SCYL2: variants seen among roughly 807,000 people sequenced by gnomAD.
SCYL2 encodes the protein SCY1 like pseudokinase 2.
A neutral mutation model predicts 100.4 loss-of-function variants in SCYL2; 36 were observed. That is an observed-to-expected ratio of 0.36 (90% CI 0.27 to 0.47). The LOEUF (loss-of-function observed/expected upper bound fraction) is 0.47. SCYL2 is among the 20% of genes least tolerant of loss of function. The pLI, the probability that SCYL2 is intolerant of heterozygous loss-of-function variation, is 1.00. For missense variants in SCYL2, 902 were observed against 1,083.9 expected, an observed-to-expected ratio of 0.83 and a Z score of 2.36; for synonymous variants, 330 against 359.2, an observed-to-expected ratio of 0.92 and a Z score of 0.92.
chr12:100,333,838 A>AATAT (rs1301880054), intron 13 of SCYL2: 1 of 169,098 alleles, frequency 5.9e-6, no homozygotes, highest in East Asian at 1.7e-4. Flanking sequence ...CAAGAAGATC[A>AATAT]ATATATAACT....
chr12:100,311,266 A>G (rs1184673314), intron 5 of SCYL2, 73 bp downstream of exon 5: 2 of 1,462,598 alleles, frequency 1.4e-6, no homozygotes, highest in Non-Finnish European at 9.2e-7. Context: ...GACTAGAAAT[A>G]GGCTATGTGG....
In SCYL2 at chr12:100,317,919, G is replaced by A. The variant is rs56002815; in HGVS notation, c.1389G>A (p.Gln463=). 23,226 of 1,568,540 alleles carry A rather than the reference G, an allele frequency of 0.015. 198 individuals are homozygous for A. The highest frequency in any genetic ancestry group is 0.017 in the Non-Finnish European group (19,978 of 1,166,404). ...GAGCACTAGAAGCTCCTTCCATTCA[G>A]ATCCAGGTACAGTATCTGATTTGTT... ...VYRALEAPSI[Q]IQELCLNIIP... The change falls in exon 10 of 18, where the codon CAG becomes CAA. Residue 463 remains glutamine, a synonymous_variant. Transcript: ENST00000360820.
intron 1 of SCYL2, among the ~76,000 whole-genome samples, chr12:100,270,091 A>G (rs1317067420): frequency 6.6e-6 from 1 of 150,704 alleles, no homozygotes. Flanking sequence ...GGTTCACGCC[A>G]TTCTCCTGCC....
chr12:100,271,359 A>G (rs550433569), intron 1 of SCYL2, among the ~76,000 whole-genome samples: 1 of 151,934 alleles, frequency 6.6e-6, no homozygotes, highest in African/African-American at 2.4e-5. Flanking sequence ...GTATAAGCAC[A>G]CGTATTTTCC....
rs189151424 is a variant in SCYL2 at position 100,305,095 on chromosome 12, C to T, written c.481-5949C>T. The stretch of plus-strand genomic sequence containing the variant: ...CCATTGTCAATATTAGACAGATCAA[C>T]GAGACAGAAAATTAACAAGGATATT... On this transcript the variant is annotated intron_variant, in intron 4 of 17. Transcript: ENST00000360820. 8.4e-4 allele frequency among the ~76,000 whole-genome samples: 128 copies of T among 152,250 alleles called. 2 individuals carry two copies. The highest frequency in any genetic ancestry group is 1.4e-3 in the Non-Finnish European group (95 of 68,020).
rs138422629 is a variant in SCYL2 at position 100,331,905 on chromosome 12, C to T, written c.1762-2261C>T. Reference sequence around the variant, plus strand: ...GCATTTGAATAAAAAACAGCAAATGCCCTGCAGCAGTACACTGAATAATCA... The same window carrying T: ...GCATTTGAATAAAAAACAGCAAATGTCCTGCAGCAGTACACTGAATAATCA... On this transcript the variant is annotated intron_variant, in intron 13 of 17. Transcript: ENST00000360820. Among the ~76,000 whole-genome samples the T allele has an allele frequency of 2.8e-3, 433 of 152,192 alleles. 1 individual carries two copies. Among genetic ancestry groups the T allele is most frequent in the African/African-American group, 9.6e-3 (400 of 41,522 alleles).
intron 2 of SCYL2, among the ~76,000 whole-genome samples, chr12:100,290,307 T>G (rs918006719): frequency 6.6e-6 from 1 of 152,228 alleles, no homozygotes; most frequent in African/African-American, 2.4e-5. Flanking sequence ...GCTGCCTTAT[T>G]CACAAATGCT....
chr12:100,283,148 G>T lies in SCYL2; in HGVS notation c.177+1G>T. 1 of 1,599,466 alleles carries T rather than the reference G, an allele frequency of 6.3e-7. No homozygotes were observed. The highest frequency in any genetic ancestry group is 8.5e-7 in the Non-Finnish European group (1 of 1,173,532). ...TGGCACAAAAAAGTCAACAAAGCAG[G>T]TGAGTTTTAATTCAGCATCCACTTG... On this transcript the variant is annotated splice_donor_variant, in intron 2 of 17. Transcript: ENST00000360820. LOFTEE classifies it high-confidence loss of function.
chr12:100,322,227 G>A (rs1464892556), intron 10 of SCYL2, among the ~76,000 whole-genome samples: 25 of 150,328 alleles, frequency 1.7e-4, no homozygotes, highest in African/African-American at 5.8e-4. Context: ...CAAAAAATTA[G>A]CCGGGCGTGG....
intron 2 of SCYL2, among the ~76,000 whole-genome samples, chr12:100,286,838 A>G (rs1353059905): frequency 6.6e-6 from 1 of 152,040 alleles, no homozygotes; most frequent in Non-Finnish European, 1.5e-5. Context: ...GGAAACTTTT[A>G]TGTGAAGCCA....
chr12:100,318,044 TA>T, intron 10 of SCYL2, 119 bp downstream of exon 10: 1 of 888,670 alleles, frequency 1.1e-6, no homozygotes, highest in Non-Finnish European at 1.6e-6. Flanking sequence ...TAAATATATT[TA>T]TCTTTTGAAT....
chr12:100,311,286 A>G, intron 5 of SCYL2, 93 bp downstream of exon 5: 1 of 1,230,426 alleles, frequency 8.1e-7, no homozygotes, highest in Non-Finnish European at 1.1e-6. Context: ...GTACAGTGGT[A>G]TGTTTAGATA....
chr12:100,272,665 G>A (rs1301083504), intron 1 of SCYL2, among the ~76,000 whole-genome samples: 4 of 152,078 alleles, frequency 2.6e-5, no homozygotes, highest in South Asian at 2.1e-4. Context: ...TCTATATGTC[G>A]TTGGTAAATG....
intron 3 of SCYL2, among the ~76,000 whole-genome samples, chr12:100,294,119 C>G (rs1472638866): frequency 1.5e-5 from 2 of 131,832 alleles, no homozygotes; most frequent in Admixed American, 1.5e-4. Context: ...GCAGAGGCGC[C>G]CCTCACCTCC....
At chr12:100,293,328 A>G (rs2096312749) in intron 3 of SCYL2, among the ~76,000 whole-genome samples, 2 of 152,066 alleles carry the variant, frequency 1.3e-5, no homozygotes, top group African/African-American at 2.4e-5. Context: ...AGAACACTAT[A>G]GTTTCTGTCT....
intron 13 of SCYL2, 116 bp from the exon 14 acceptor site, chr12:100,334,050 C>G: frequency 1.6e-6 from 1 of 624,580 alleles, no homozygotes; most frequent in Non-Finnish European, 2.8e-6. Context: ...GTGACTGGAT[C>G]CTATTCTACT....
intron 4 of SCYL2, among the ~76,000 whole-genome samples, chr12:100,310,588 G>A (rs977268684): frequency 5.9e-5 from 9 of 152,210 alleles, no homozygotes; most frequent in African/African-American, 2.2e-4. Context: ...AATCCACTGT[G>A]AGAATAAGTG....
In SCYL2 at chr12:100,267,187, C is replaced by T; in HGVS notation, c.-634C>T. 5 of 1,212,978 alleles carry T rather than the reference C, an allele frequency of 4.1e-6. No homozygotes were observed. The highest frequency in any genetic ancestry group is 2.2e-5 in the Admixed American group (1 of 45,250). The allele number at this position is 1,212,978 out of a possible 1,614,324, so 75.1% of individuals were successfully genotyped here. A position where few individuals can be genotyped will look rare whatever the true frequency, so the allele number is the denominator to read the frequency against. On this transcript the variant is annotated 5_prime_UTR_variant, in exon 1 of 18. Coordinates refer to ENST00000360820, the MANE Select transcript of SCYL2 (RefSeq NM_017988.6). ...GCCGGCAGGTCTTTTAGTCTTTTTC[C>T]CCCTCCCTTACTCTTCGTCCCCGGT...
At chr12:100,294,918 G>A (rs561299794) in intron 3 of SCYL2, among the ~76,000 whole-genome samples, 5,996 of 150,732 alleles carry the variant, frequency 0.04, 156 homozygotes, top group Non-Finnish European at 0.067. Context: ...GCTGCTGGGC[G>A]GAGGGGCTCC....
Sources: gnomAD v4.1 joint callset for allele counts (sites outside exome capture counted in the v4.1 genomes callset) on GRCh38, gnomAD v4.1.1 for gene constraint, MANE v1.5 for transcripts, NCBI Gene and HGNC (gene_info 2026-07-23, HGNC 2026-07-21) for gene names.